SBF2: variants seen among roughly 807,000 people sequenced by gnomAD.
SBF2 encodes myotubularin-related protein 13.
In SBF2, 112 loss-of-function variants were observed where a neutral mutation model predicts 225.2. The observed-to-expected ratio is 0.50, with a 90% CI of 0.43 to 0.58. The LOEUF (loss-of-function observed/expected upper bound fraction) is 0.58. Among genes scored for constraint, SBF2 ranks in the 20% least tolerant of loss-of-function variants. SBF2 has a pLI of 0.00. For missense variants in SBF2, 1,996 were observed against 2,206.2 expected, an observed-to-expected ratio of 0.90 and a Z score of 1.91; for synonymous variants, 763 against 773.3, an observed-to-expected ratio of 0.99 and a Z score of 0.22.
chr11:10,104,489 A>C (rs1952465475), intron 2 of SBF2, among the ~76,000 whole-genome samples: 1 of 152,196 alleles, frequency 6.6e-6, no homozygotes, highest in African/African-American at 2.4e-5. Flanking sequence ...CAGGCTCCTA[A>C]CTTCCGCAAC....
chr11:9,797,862 A>G (rs1853227190), intron 32 of SBF2, among the ~76,000 whole-genome samples: 1 of 152,076 alleles, frequency 6.6e-6, no homozygotes, highest in South Asian at 2.1e-4. Flanking sequence ...AGCCCCAGCT[A>G]CTCAGGAGGC....
intron 2 of SBF2, among the ~76,000 whole-genome samples, chr11:10,162,373 T>C (rs138544230): frequency 1.2e-3 from 184 of 152,212 alleles, no homozygotes; most frequent in African/African-American, 4.1e-3. Flanking sequence ...ATGACAAATA[T>C]AACCAAGAGT....
intron 6 of SBF2, among the ~76,000 whole-genome samples, chr11:10,008,266 C>T (rs899330368): frequency 6.6e-6 from 1 of 152,144 alleles, no homozygotes; most frequent in Non-Finnish European, 1.5e-5. Context: ...CCATCACTTT[C>T]ACAGAGAGGC....
chr11:10,254,900 CAAAAAAAAAAAAAAAAAAAAA>C lies in SBF2; in HGVS notation c.55+39094_55+39114del, dbSNP rs71034757. On this transcript the variant is annotated intron_variant, in intron 1 of 39. Transcript: ENST00000256190. ...TGGGTGACAGAGTGAGACTCTGTCT[CAAAAAAAAAAAAAAAAAAAAA>C]AAAAAAAAAAAAAAAAAATCCTATT... Among the ~76,000 whole-genome samples, 126 of 44,074 alleles carry C rather than the reference CAAAAAAAAAAAAAAAAAAAAA, an allele frequency of 2.9e-3. 3 individuals are homozygous for C. In the South Asian group the frequency reaches 0.062, roughly 22 times the overall value. 28.9% of individuals were successfully genotyped at this position (44,074 alleles called of 152,430 possible).
chr11:9,803,855 A>G (rs1853632294), intron 32 of SBF2, among the ~76,000 whole-genome samples: 1 of 151,388 alleles, frequency 6.6e-6, no homozygotes, highest in African/African-American at 2.5e-5. Flanking sequence ...AAGATGGAAA[A>G]TAGAAGGAAG....
chr11:10,042,897 C>A lies in SBF2; in HGVS notation c.226G>T (p.Asp76Tyr). 1.2e-6 allele frequency: 2 copies of A among 1,614,026 alleles called. No individual in the cohort carries two copies. Among genetic ancestry groups the A allele is most frequent in the Non-Finnish European group, 1.7e-6 (2 of 1,179,940 alleles). The change falls in exon 3 of 40, where the codon GAT becomes TAT. Residue 76 changes from aspartate (D) to tyrosine (Y), a missense_variant. Coordinates refer to ENST00000256190, the MANE Select transcript of SBF2 (RefSeq NM_030962.4). ...FVVVLTDIDSDRHYCSCLTFY... is the reference protein window; with the variant it reads ...FVVVLTDIDSYRHYCSCLTFY... ...GTTAGGCATGAGCAGTAATGTCGATCTGAGTCAATGTCTGTCAGGACAACC... is the reference window on the plus strand; with the variant it reads ...GTTAGGCATGAGCAGTAATGTCGATATGAGTCAATGTCTGTCAGGACAACC...
At chr11:9,894,440 C>T (rs563358010) in intron 17 of SBF2, among the ~76,000 whole-genome samples, 1 of 152,036 alleles carries the variant, frequency 6.6e-6, no homozygotes, top group Admixed American at 6.5e-5. Context: ...TCACTTGAAC[C>T]TGGGAGGTGG....
chr11:10,069,602 C>T (rs905491796), intron 2 of SBF2, among the ~76,000 whole-genome samples: 2 of 152,114 alleles, frequency 1.3e-5, no homozygotes, highest in African/African-American at 4.8e-5. Flanking sequence ...CTGCTGTGAA[C>T]AGTGCTGCAA....
intron 2 of SBF2, among the ~76,000 whole-genome samples, chr11:10,100,501 T>C (rs1952244161): frequency 6.6e-6 from 1 of 152,228 alleles, no homozygotes; most frequent in South Asian, 2.1e-4. Flanking sequence ...TGAATTTAAC[T>C]GCAATAGAGA....
chr11:10,132,517 T>G (rs1954109445), intron 2 of SBF2, among the ~76,000 whole-genome samples: 1 of 147,802 alleles, frequency 6.8e-6, no homozygotes, highest in African/African-American at 2.5e-5. Flanking sequence ...ACCTTCGCGG[T>G]GAGTGTTACA....
intron 2 of SBF2, among the ~76,000 whole-genome samples, chr11:10,096,077 A>T (rs1590945261): frequency 6.6e-6 from 1 of 152,182 alleles, no homozygotes; most frequent in African/African-American, 2.4e-5. Flanking sequence ...CCTAACATCT[A>T]ATAAATACAA....
rs1004801581 is a variant in SBF2, at chr11:10,275,054, T to C, written c.55+18961A>G. On this transcript the variant is annotated intron_variant, in intron 1 of 39. Coordinates refer to ENST00000256190, the MANE Select transcript of SBF2 (RefSeq NM_030962.4). ...TGGGTAGAAAAATAGATGAGCAGAG[T>C]TTCCAAATCACATGGACACCTGAAC... is the stretch of plus-strand genomic sequence containing the variant. Among the ~76,000 whole-genome samples, 8 of 151,042 alleles carry C rather than the reference T, an allele frequency of 5.3e-5. 1 individual carries two copies. In the South Asian group the frequency reaches 1.5e-3, roughly 28 times the overall value.
At position 9,805,750 on chromosome 11, in the gene SBF2, G is replaced by A. The variant is rs185684319; in HGVS notation, c.4443+2250C>T. Among the ~76,000 whole-genome samples, 164 of 152,224 alleles carry A rather than the reference G, an allele frequency of 1.1e-3. 1 individual carries two copies. Among genetic ancestry groups the A allele is most frequent in the Non-Finnish European group, 1.8e-3 (125 of 68,018 alleles). ...CGATTCTCCTGCTTCAGCCTCCCAA[G>A]TAGCTGGGACTACAGGCGTGCGCCC... is the stretch of plus-strand genomic sequence containing the variant. On this transcript the variant is annotated intron_variant, in intron 32 of 39. Transcript: ENST00000256190.
chr11:10,167,663 C>A (rs1476677178), intron 2 of SBF2, among the ~76,000 whole-genome samples: 1 of 152,168 alleles, frequency 6.6e-6, no homozygotes, highest in African/African-American at 2.4e-5. Flanking sequence ...TTACCTAGAT[C>A]ATTTGCTTTT....
chr11:9,947,754 C>T (rs1457499443), intron 16 of SBF2, among the ~76,000 whole-genome samples: 1 of 151,670 alleles, frequency 6.6e-6, no homozygotes, highest in Non-Finnish European at 1.5e-5. Context: ...ATCCGGTTCA[C>T]ATACATTAGG....
intron 2 of SBF2, among the ~76,000 whole-genome samples, chr11:10,122,349 C>G (rs1277639408): frequency 6.6e-6 from 1 of 152,188 alleles, no homozygotes; most frequent in Non-Finnish European, 1.5e-5. Flanking sequence ...CAAGTGGGTA[C>G]TGTCCACAGT....
At chr11:10,082,326 T>A (rs1951399334) in intron 2 of SBF2, among the ~76,000 whole-genome samples, 1 of 152,306 alleles carries the variant, frequency 6.6e-6, no homozygotes, top group African/African-American at 2.4e-5. Context: ...CCAGTCCTAC[T>A]AAAACTGTTC....
intron 16 of SBF2, among the ~76,000 whole-genome samples, chr11:9,913,878 T>C (rs1299607591): frequency 6.6e-6 from 1 of 152,178 alleles, no homozygotes; most frequent in African/African-American, 2.4e-5. Flanking sequence ...GTTGCTGTTG[T>C]TTAAGTAGAG....
chr11:9,867,651 C>T (rs1858342551), intron 17 of SBF2, among the ~76,000 whole-genome samples: 1 of 152,024 alleles, frequency 6.6e-6, no homozygotes, highest in African/African-American at 2.4e-5. Context: ...ATAAAGGAAA[C>T]ATGGTATATA....
Sources: allele counts gnomAD v4.1 joint callset (sites outside exome capture counted in the v4.1 genomes callset), GRCh38; gene constraint gnomAD v4.1.1; transcripts MANE v1.5; gene names NCBI Gene and HGNC (gene_info 2026-07-23, HGNC 2026-07-21).